CRYBG2: variants seen among roughly 807,000 people sequenced by gnomAD.
The protein encoded by CRYBG2 is beta/gamma crystallin domain-containing protein 2.
Under a neutral mutation model 153.4 loss-of-function variants are expected in CRYBG2, and 106 were observed. The ratio of observed to expected loss-of-function variants is 0.69; its 90% CI spans 0.59 to 0.81. CRYBG2 has a LOEUF of 0.81. Among genes scored for constraint, CRYBG2 ranks in the 30% least tolerant of loss-of-function variants. CRYBG2 has a pLI of 0.00. For missense variants in CRYBG2, 1,996 were observed against 2,112.0 expected (o/e 0.95, Z 1.08); for synonymous variants, 851 against 877.8 (o/e 0.97, Z 0.54).
intron 14 of CRYBG2, among the ~76,000 whole-genome samples, chr1:26,333,341 G>A (rs961558313): frequency 6.6e-5 from 10 of 152,028 alleles, no homozygotes; most frequent in African/African-American, 1.4e-4. Context: ...CGAGGTGGGC[G>A]GATCACCTGA....
intron 14 of CRYBG2, among the ~76,000 whole-genome samples, chr1:26,333,115 G>A (rs1209999447): frequency 3.4e-5 from 5 of 146,886 alleles, no homozygotes; most frequent in Non-Finnish European, 7.5e-5. Context: ...GTTGGCTTTG[G>A]AACTGTTATA....
intron 8 of CRYBG2, 43 bp from the exon 9 acceptor site, chr1:26,337,717 A>G: frequency 2.5e-6 from 4 of 1,594,654 alleles, no homozygotes; most frequent in Non-Finnish European, 3.4e-6. Flanking sequence ...ACCCAAACAC[A>G]CCCAGCCAGC....
intron 14 of CRYBG2, among the ~76,000 whole-genome samples, chr1:26,334,202 T>G (rs1319285675): frequency 6.6e-6 from 1 of 152,154 alleles, no homozygotes; most frequent in Non-Finnish European, 1.5e-5. Flanking sequence ...AAGGGAGGAT[T>G]GCTTGAGCCC....
chr1:26,337,995 T>C lies in CRYBG2; in HGVS notation c.3507+17A>G. ...GCCACCAAAGGCCCTCTTTGGCTCT[T>C]AAGCCCAGACTCTTACCCTGGGCTC... On this transcript the variant is annotated intron_variant, in intron 8 of 19. Transcript: ENST00000308182. 1 of 1,611,954 alleles carries C rather than the reference T, an allele frequency of 6.2e-7. No individual in the cohort carries two copies. Among genetic ancestry groups the C allele is most frequent in the South Asian group, 1.1e-5 (1 of 90,522 alleles).
intron 14 of CRYBG2, among the ~76,000 whole-genome samples, chr1:26,335,635 C>T (rs547579696): frequency 6.6e-6 from 1 of 152,246 alleles, no homozygotes; most frequent in Admixed American, 6.5e-5. Context: ...GGCCCAAGGA[C>T]CTTATTTGGA....
chr1:26,343,977 A>C lies in CRYBG2; in HGVS notation c.2681T>G (p.Leu894Arg). ...KGPHSELGLE[L>R]QGGSRPTSRL... ...GGAAGTGGGCCTGCTGCCTCCCTGC[A>C]GTTCCAATCCCAGCTCTGAGTGGGG... is the stretch of plus-strand genomic sequence containing the variant. The change falls in exon 2 of 20, where the codon CTG becomes CGG. Residue 894 changes from leucine (L) to arginine (R), a missense_variant. Transcript: ENST00000308182. This position sits in a 1 kb window ranked among gnomAD's most constrained non-coding sequence, Gnocchi z 4.1. 2.0e-6 allele frequency: 3 copies of C among 1,537,036 alleles called. No homozygotes were observed. In the South Asian group the frequency reaches 3.6e-5, roughly 18 times the overall value.
At chr1:26,349,168 C>G (rs886704326) in intron 1 of CRYBG2, among the ~76,000 whole-genome samples, 24 of 151,760 alleles carry the variant, frequency 1.6e-4, no homozygotes, top group African/African-American at 4.6e-4. Context: ...GACTCTGTCT[C>G]AAAATTAAAA....
chr1:26,351,725 G>A (rs2074289003), intron 1 of CRYBG2, among the ~76,000 whole-genome samples: 1 of 152,134 alleles, frequency 6.6e-6, no homozygotes, highest in East Asian at 1.9e-4. Flanking sequence ...CAAGCATGTG[G>A]TCATTGGCTT....
chr1:26,322,093 G>A (rs1424069211), intron 19 of CRYBG2, 37 bp from the exon 20 acceptor site: 1 of 1,599,380 alleles, frequency 6.3e-7, no homozygotes, highest in Non-Finnish European at 8.6e-7. Context: ...TAGGGAGATA[G>A]TCAGAGAGAG....
intron 1 of CRYBG2, among the ~76,000 whole-genome samples, chr1:26,349,223 G>A (rs1416245401): frequency 6.6e-6 from 1 of 152,032 alleles, no homozygotes; most frequent in African/African-American, 2.4e-5. Flanking sequence ...GCTCCGTTAG[G>A]GCACTTGGGC....
intron 18 of CRYBG2, among the ~76,000 whole-genome samples, chr1:26,323,085 CT>C (rs35042014): frequency 6.5e-4 from 95 of 145,440 alleles, no homozygotes; most frequent in African/African-American, 1.3e-3. Flanking sequence ...TTCTATTCTC[CT>C]TTTTTTTTTT....
intron 1 of CRYBG2, among the ~76,000 whole-genome samples, chr1:26,348,960 G>T (rs1433075349): frequency 6.6e-6 from 1 of 151,970 alleles, no homozygotes; most frequent in Non-Finnish European, 1.5e-5. Flanking sequence ...CCTGAGGTCA[G>T]GAGTTCGAGA....
At position 26,343,028 on chromosome 1, in the gene CRYBG2, C is replaced by G. The variant is rs979871322; in HGVS notation, c.3074+19G>C. 2.6e-6 allele frequency: 4 copies of G among 1,541,004 alleles called. No homozygotes were observed. The East Asian group carries it at 9.8e-5, about 38-fold the overall frequency. On this transcript the variant is annotated intron_variant, in intron 4 of 19. Coordinates refer to ENST00000308182, the MANE Select transcript of CRYBG2 (RefSeq NM_001039775.4). The surrounding 1 kb of genome is among the most constrained non-coding windows in gnomAD (Gnocchi z 4.1). The stretch of plus-strand genomic sequence containing the variant: ...CCCAGGTTCACAGCCAAGTGCCTTG[C>G]TGGGCACTCCCCACTCACCAGCCTC...
At chr1:26,350,587 C>A (rs1412109886) in intron 1 of CRYBG2, among the ~76,000 whole-genome samples, 1 of 152,078 alleles carries the variant, frequency 6.6e-6, no homozygotes, top group Non-Finnish European at 1.5e-5. Flanking sequence ...AGACTTGAAC[C>A]CCAACCCTAA....
At chr1:26,353,830 T>G (rs1056383140) in intron 1 of CRYBG2, among the ~76,000 whole-genome samples, 1 of 151,532 alleles carries the variant, frequency 6.6e-6, no homozygotes, top group African/African-American at 2.4e-5. Context: ...AGATGGACAG[T>G]GGGGGTGAGA....
Position 26,343,368 on chromosome 1 carries a change from A to G in CRYBG2, c.2914-75T>C. ...TGCCTCCCCACAACCCGCCATTCCA[A>G]GGATCCCACATCCTCCCTATTAACC... is the stretch of plus-strand genomic sequence containing the variant. On this transcript the variant is annotated intron_variant, in intron 2 of 19. Coordinates refer to ENST00000308182, the MANE Select transcript of CRYBG2 (RefSeq NM_001039775.4). This position sits in a 1 kb window ranked among gnomAD's most constrained non-coding sequence, Gnocchi z 4.1. The G allele has an allele frequency of 6.7e-7, 1 of 1,486,400 alleles. No homozygotes were observed. Among genetic ancestry groups the G allele is most frequent in the Non-Finnish European group, 9.2e-7 (1 of 1,089,342 alleles). 92.1% of individuals were successfully genotyped at this position (1,486,400 alleles called of 1,614,324 possible). A position where few individuals can be genotyped will look rare whatever the true frequency, so the allele number is the denominator to read the frequency against.
chr1:26,327,402 A>C (rs2073938184), intron 17 of CRYBG2, among the ~76,000 whole-genome samples: 1 of 152,072 alleles, frequency 6.6e-6, no homozygotes, highest in Non-Finnish European at 1.5e-5. Flanking sequence ...CAGGGGGCAG[A>C]GGTTGCAGTG....
In CRYBG2 at chr1:26,344,333, C is replaced by A; in HGVS notation, c.2325G>T (p.Glu775Asp). The A allele has an allele frequency of 6.7e-7, 1 of 1,502,612 alleles. No homozygotes were observed. 93.1% of individuals were successfully genotyped at this position (1,502,612 alleles called of 1,614,324 possible). Reference sequence around the variant, plus strand: ...GGTGAGTGCGGAGGATCTCAGGGGGCTCCATGCTCCGCAGCGTATCCAGGA... The same window carrying A: ...GGTGAGTGCGGAGGATCTCAGGGGGATCCATGCTCCGCAGCGTATCCAGGA... ...EIFLDTLRSM[E>D]PPEILRTHRL... Residue 775 changes from glutamate to aspartate, a missense_variant, in exon 2 of 20, where the codon GAG (glutamate) becomes GAT (aspartate). Coordinates refer to ENST00000308182, the MANE Select transcript of CRYBG2 (RefSeq NM_001039775.4).
intron 17 of CRYBG2, chr1:26,324,804 G>A (rs922528015): frequency 6.6e-6 from 1 of 152,258 alleles, no homozygotes; most frequent in Admixed American, 6.5e-5. Context: ...GTTGAAGAGG[G>A]TTCCTGACGG....
Sources: allele counts gnomAD v4.1 joint callset (sites outside exome capture counted in the v4.1 genomes callset), GRCh38; gene constraint gnomAD v4.1.1; non-coding constraint Gnocchi (gnomAD v3.1); transcripts MANE v1.5; gene names NCBI Gene and HGNC (gene_info 2026-07-23, HGNC 2026-07-21).